The following PPP2R2B variants were observed in gnomAD, a reference collection of about 807,000 sequenced individuals.
PPP2R2B encodes the protein serine/threonine-protein phosphatase 2A 55 kDa regulatory subunit B beta isoform.
Under a neutral mutation model 46.0 loss-of-function variants are expected in PPP2R2B, and 5 were observed. The ratio of observed to expected loss-of-function variants is 0.11; its 90% CI spans 0.06 to 0.23. The LOEUF (loss-of-function observed/expected upper bound fraction) is 0.23, where lower values mean the gene tolerates loss of function less well. PPP2R2B is among the 10% of genes least tolerant of loss of function. The probability of loss-of-function intolerance (pLI) is 1.00; values close to 1 mark genes in which losing one functional copy is unlikely to be tolerated. For missense variants in PPP2R2B, 367 were observed against 575.0 expected (o/e 0.64, Z 3.70); for synonymous variants, 215 against 206.7 (o/e 1.04, Z -0.34).
intron 1 of PPP2R2B, among the ~76,000 whole-genome samples, chr5:147,009,874 C>T (rs1437173727): frequency 1.4e-5 from 2 of 138,820 alleles, no homozygotes; most frequent in African/African-American, 6.1e-5. Flanking sequence ...TACACACACA[C>T]ACACACACAC....
intron 7 of PPP2R2B, among the ~76,000 whole-genome samples, chr5:146,601,870 GTTC>G (rs1353172710): frequency 4.6e-5 from 7 of 152,212 alleles, no homozygotes; most frequent in Middle Eastern, 6.8e-3. Flanking sequence ...TGATATCCAG[GTTC>G]TTATTATCTC....
chr5:146,657,923 G>C (rs901044747), intron 5 of PPP2R2B, among the ~76,000 whole-genome samples: 1 of 152,108 alleles, frequency 6.6e-6, no homozygotes, highest in African/African-American at 2.4e-5. Context: ...GGGTTTGGTG[G>C]GTTCTGTATC....
chr5:146,943,077 G>A (rs552062217), intron 1 of PPP2R2B, among the ~76,000 whole-genome samples: 5 of 152,114 alleles, frequency 3.3e-5, no homozygotes, highest in South Asian at 2.1e-4. Context: ...GATTACAGGC[G>A]TGAACTACTA....
intron 3 of PPP2R2B, among the ~76,000 whole-genome samples, chr5:146,698,371 C>A: frequency 8.1e-6 from 1 of 123,426 alleles, no homozygotes; most frequent in Non-Finnish European, 1.6e-5. Flanking sequence ...TATAATTATA[C>A]ACATGAACTT....
intron 1 of PPP2R2B, among the ~76,000 whole-genome samples, chr5:147,049,058 C>CAG (rs140001744): frequency 6.7e-6 from 1 of 148,922 alleles, no homozygotes; most frequent in African/African-American, 2.5e-5. Flanking sequence ...AGAGGAGAGG[C>CAG]AGAGAGAGAG....
chr5:146,993,937 G>T (rs1489723180), intron 1 of PPP2R2B, among the ~76,000 whole-genome samples: 1 of 152,116 alleles, frequency 6.6e-6, no homozygotes, highest in Admixed American at 6.6e-5. Flanking sequence ...TCATAAACAG[G>T]CCCCAGAGCT....
At chr5:146,604,047 G>A (rs1022579975) in intron 7 of PPP2R2B, among the ~76,000 whole-genome samples, 1 of 152,148 alleles carries the variant, frequency 6.6e-6, no homozygotes, top group Non-Finnish European at 1.5e-5. Context: ...TACGTGCCAG[G>A]CCCTGTACCA....
intron 1 of PPP2R2B, among the ~76,000 whole-genome samples, chr5:146,968,771 G>T (rs187457725): frequency 6.6e-6 from 1 of 152,262 alleles, no homozygotes; most frequent in Admixed American, 6.5e-5. Context: ...AGACCATCGT[G>T]GCCAATTTCA....
At chr5:146,605,507 A>G (rs1772177476) in intron 7 of PPP2R2B, among the ~76,000 whole-genome samples, 1 of 152,202 alleles carries the variant, frequency 6.6e-6, no homozygotes, top group Admixed American at 6.5e-5. Flanking sequence ...TAAGCTTGGG[A>G]AACCTCGACA....
At chr5:146,894,565 G>C (rs533053814) in intron 1 of PPP2R2B, among the ~76,000 whole-genome samples, 40 of 152,276 alleles carry the variant, frequency 2.6e-4, no homozygotes, top group Middle Eastern at 3.4e-3. Context: ...TCAGCCTCCT[G>C]AGTAGCTGGG....
intron 1 of PPP2R2B, among the ~76,000 whole-genome samples, chr5:146,938,649 T>C (rs1262004388): frequency 6.6e-6 from 1 of 151,686 alleles, no homozygotes; most frequent in African/African-American, 2.4e-5. Context: ...TTGAATGACA[T>C]ATCAAAATGT....
At chr5:146,673,616 T>A (rs1299896581) in intron 5 of PPP2R2B, among the ~76,000 whole-genome samples, 1 of 106,020 alleles carries the variant, frequency 9.4e-6, no homozygotes, top group Non-Finnish European at 2.0e-5. Context: ...AAGCAGAGAA[T>A]CTAAAGGAAG....
chr5:146,883,351 G>A (rs1762229053), upstream of PPP2R2B, among the ~76,000 whole-genome samples: 1 of 152,156 alleles, frequency 6.6e-6, no homozygotes, highest in African/African-American at 2.4e-5. Context: ...GGTACTTCAT[G>A]AGATCTCCCA....
At chr5:146,753,126 A>G (rs915005058) in intron 2 of PPP2R2B, among the ~76,000 whole-genome samples, 2 of 152,218 alleles carry the variant, frequency 1.3e-5, no homozygotes, top group Non-Finnish European at 2.9e-5. Flanking sequence ...GAACCTGGAT[A>G]AGATGAGCAG....
chr5:147,012,667 A>T (rs1754798747), intron 1 of PPP2R2B, among the ~76,000 whole-genome samples: 1 of 150,670 alleles, frequency 6.6e-6, no homozygotes, highest in Admixed American at 6.6e-5. Context: ...TTTAATTGTG[A>T]TGTTAGGGTG....
intron 5 of PPP2R2B, among the ~76,000 whole-genome samples, chr5:146,672,687 G>A (rs1481865024): frequency 6.6e-6 from 1 of 152,118 alleles, no homozygotes; most frequent in African/African-American, 2.4e-5. Context: ...AATAAAGATG[G>A]CAGACCAACC....
At chr5:146,706,753 C>G in intron 2 of PPP2R2B, 1 of 802,204 alleles carries the variant, frequency 1.2e-6, no homozygotes, top group Non-Finnish European at 2.2e-6. Flanking sequence ...GCGTCTGCAG[C>G]TCCTCATACT....
chr5:146,964,691 AAGTTTTTGTATTTTT>A (rs1191637654), intron 1 of PPP2R2B, among the ~76,000 whole-genome samples: 1 of 151,902 alleles, frequency 6.6e-6, no homozygotes, highest in Non-Finnish European at 1.5e-5. Context: ...ACGCCAGGCT[AAGTTTTTGTATTTTT>A]AGTAGAGACA....
At chr5:147,033,886 C>A (rs1048774385) in intron 1 of PPP2R2B, among the ~76,000 whole-genome samples, 2 of 152,092 alleles carry the variant, frequency 1.3e-5, no homozygotes, top group Non-Finnish European at 2.9e-5. Context: ...GCCTCCTACT[C>A]TTATTTCCCT....
Sources: gnomAD v4.1 joint callset for allele counts (sites outside exome capture counted in the v4.1 genomes callset) on GRCh38, gnomAD v4.1.1 for gene constraint, MANE v1.5 for transcripts, NCBI Gene and HGNC (gene_info 2026-07-23, HGNC 2026-07-21) for gene names.